Variants in ADGRB1 observed in about 807,000 individuals in gnomAD.
ADGRB1 encodes the protein brain-specific angiogenesis inhibitor 1.
ADGRB1 carries 36 observed loss-of-function variants against 175.7 expected under a neutral mutation model. The ratio of observed to expected loss-of-function variants is 0.20; its 90% confidence interval spans 0.16 to 0.27. The LOEUF (loss-of-function observed/expected upper bound fraction) is 0.27, where lower values mean the gene tolerates loss of function less well. Among genes scored for constraint, ADGRB1 ranks in the 10% least tolerant of loss-of-function variants. The pLI, the probability that ADGRB1 is intolerant of heterozygous loss-of-function variation, is 1.00. For synonymous variants in ADGRB1, 1,054 were observed against 979.4 expected, an observed-to-expected ratio of 1.08 and a Z score of -1.42; for missense variants, 1,731 against 2,255.3, an observed-to-expected ratio of 0.77 and a Z score of 4.71.
chr8:142,481,448 G>A (rs1841333302), intron 10 of ADGRB1, 69 bp from the exon 11 acceptor site: 2 of 1,587,408 alleles, frequency 1.3e-6, no homozygotes, highest in Non-Finnish European at 8.6e-7. Flanking sequence ...CTAGGCATGG[G>A]AGATCCTGGG....
In ADGRB1 at chr8:142,472,052, G is replaced by A. The variant is rs1020664528; in HGVS notation, c.785-3422G>A. ...CAGAACTGACTGACCCTCCAGCCCC[G>A]GTGCTGCCCGACCTGCTGGAGTCGG... On this transcript the variant is annotated intron_variant, in intron 2 of 30. Transcript: ENST00000517894. 1.1e-4 allele frequency among the ~76,000 whole-genome samples: 17 copies of A among 152,330 alleles called. No homozygotes were observed. In the Middle Eastern group the frequency reaches 0.01, roughly 91 times the overall value.
rs375563704 is a variant in ADGRB1, at chr8:142,481,513, G to A, written c.1936-4G>A. 8.8e-5 allele frequency: 138 copies of A among 1,573,654 alleles called. 1 individual carries two copies. Among genetic ancestry groups the A allele is most frequent in the South Asian group, 1.8e-4 (16 of 86,616 alleles). On this transcript the variant is annotated splice_region_variant and splice_polypyrimidine_tract_variant and intron_variant, in intron 10 of 30. Transcript: ENST00000517894. ...AAGGCACCCGCCCTCTCTGTCTTCC[G>A]CAGACCCGGGAGCACCTGGCCAAGG...
chr8:142,525,426 G>C (rs1040683786), intron 23 of ADGRB1, among the ~76,000 whole-genome samples: 1 of 152,082 alleles, frequency 6.6e-6, no homozygotes, highest in South Asian at 2.1e-4. Context: ...TGTGGGACCC[G>C]AGCCCCAGCA....
At chr8:142,512,213 AG>A (rs1843146077) in intron 18 of ADGRB1, among the ~76,000 whole-genome samples, 1 of 152,192 alleles carries the variant, frequency 6.6e-6, no homozygotes, top group African/African-American at 2.4e-5. Context: ...TGGGCTGGAC[AG>A]GGGTCTGTGT....
intron 18 of ADGRB1, among the ~76,000 whole-genome samples, chr8:142,512,483 G>A (rs1843159521): frequency 6.6e-6 from 1 of 152,198 alleles, no homozygotes; most frequent in Non-Finnish European, 1.5e-5. Flanking sequence ...GTGGGTGTTC[G>A]AGGAGGACCT....
chr8:142,542,730 C>T lies in ADGRB1; in HGVS notation c.4413+83C>T. 7.7e-7 allele frequency: 1 copy of T among 1,291,416 alleles called. No homozygotes were observed. The highest frequency in any genetic ancestry group is 1.0e-6 in the Non-Finnish European group (1 of 960,356). The allele number at this position is 1,291,416 out of a possible 1,614,324, so 80.0% of individuals were successfully genotyped here. ...GGGTCACCCCTGCTGGGTGGGACCC[C>T]CACGCCGTCAGCGGGGCGGGCTGGC... On this transcript the variant is annotated intron_variant, in intron 28 of 30. Coordinates refer to ENST00000517894, the MANE Select transcript of ADGRB1 (RefSeq NM_001702.3). The surrounding 1 kb of genome is among the most constrained non-coding windows in gnomAD (Gnocchi z 6.3).
At chr8:142,525,417 G>A (rs1227104128) in intron 23 of ADGRB1, among the ~76,000 whole-genome samples, 1 of 152,082 alleles carries the variant, frequency 6.6e-6, no homozygotes, top group Non-Finnish European at 1.5e-5. Context: ...CCTGGCGGCT[G>A]TGGGACCCGA....
At position 142,478,057 on chromosome 8, in the gene ADGRB1, C is replaced by T. The variant is rs1191105234; in HGVS notation, c.1388-130C>T. ...CAGGCTGGCCGTGGGTGGTGGCCCC[C>T]AGGGTGTTCTCATCTATGTCCCAGG... On this transcript the variant is annotated intron_variant, in intron 6 of 30. Coordinates refer to ENST00000517894, the MANE Select transcript of ADGRB1 (RefSeq NM_001702.3). 8 of 1,270,390 alleles carry T rather than the reference C, an allele frequency of 6.3e-6. 1 individual carries two copies. Among genetic ancestry groups the T allele is most frequent in the African/African-American group, 3.0e-5 (2 of 66,930 alleles). 78.7% of individuals were successfully genotyped at this position (1,270,390 alleles called of 1,614,324 possible).
chr8:142,455,264 C>T lies in ADGRB1; in HGVS notation c.-220+5160C>T, dbSNP rs1839602466. Among the ~76,000 whole-genome samples the T allele has an allele frequency of 6.6e-6, 1 of 152,060 alleles. No homozygotes were observed. Among genetic ancestry groups the T allele is most frequent in the Admixed American group, 6.6e-5 (1 of 15,262 alleles). ...CCATCACTCCCACTCGCCTCAGCAG[C>T]ACCTGGACACCCCTCACAGCCACCT... On this transcript the variant is annotated intron_variant, in intron 1 of 30. Transcript: ENST00000517894. This position sits in a 1 kb window ranked among gnomAD's most constrained non-coding sequence, Gnocchi z 4.9.
chr8:142,524,474 C>T (rs758806576), intron 23 of ADGRB1, among the ~76,000 whole-genome samples, 170 bp downstream of exon 23: 16 of 152,360 alleles, frequency 1.1e-4, no homozygotes, highest in Admixed American at 8.5e-4. Context: ...CCACTCTGAC[C>T]TGCCCTTGGC....
At chr8:142,495,637 C>T (rs909647568) in intron 17 of ADGRB1, among the ~76,000 whole-genome samples, 8 of 151,960 alleles carry the variant, frequency 5.3e-5, no homozygotes, top group South Asian at 2.1e-4. Context: ...CTTGTGGCGG[C>T]GTCACTCCAG....
intron 2 of ADGRB1, among the ~76,000 whole-genome samples, chr8:142,465,335 C>A (rs1840215555): frequency 6.6e-6 from 1 of 152,208 alleles, no homozygotes; most frequent in Non-Finnish European, 1.5e-5. Context: ...GGGTCATCCT[C>A]CTGGCTGGGA....
At position 142,537,356 on chromosome 8, in the gene ADGRB1, G is replaced by C. The variant is rs73714315; in HGVS notation, c.3666+274G>C. Among the ~76,000 whole-genome samples, 3,151 of 152,108 alleles carry C rather than the reference G, an allele frequency of 0.021. 108 individuals are homozygous for C. Among genetic ancestry groups the C allele is most frequent in the African/African-American group, 0.072 (2,980 of 41,474 alleles). On this transcript the variant is annotated intron_variant, in intron 26 of 30. Transcript: ENST00000517894. The surrounding 1 kb of genome is among the most constrained non-coding windows in gnomAD (Gnocchi z 4.6). Reference sequence around the variant, plus strand: ...CTCACCCCCGCTGGCAGCAGTGCCCGTCTGGCTGGACACCACCCTCTGAGC... The same window carrying C: ...CTCACCCCCGCTGGCAGCAGTGCCCCTCTGGCTGGACACCACCCTCTGAGC...
At chr8:142,469,493 G>A (rs1198284705) in intron 2 of ADGRB1, among the ~76,000 whole-genome samples, 1 of 149,286 alleles carries the variant, frequency 6.7e-6, no homozygotes, top group Non-Finnish European at 1.5e-5. Context: ...GTGTATGCAC[G>A]TGCATGTGTG....
chr8:142,479,192 ATTCCTGGG>A, intron 7 of ADGRB1, 123 bp from the exon 8 acceptor site: 3 of 1,054,832 alleles, frequency 2.8e-6, no homozygotes, highest in Non-Finnish European at 3.7e-6. Context: ...CCTGCCCCAC[ATTCCTGGG>A]TCCCTATGTT....
rs770168855 is a variant in ADGRB1 at position 142,486,857 on chromosome 8, A to G, written c.2309-1507A>G. On this transcript the variant is annotated intron_variant, in intron 13 of 30. Transcript: ENST00000517894. ...AGCACAGTGGGACCCTGTCTCTACA[A>G]ATGTTTTTAAAAAAATTAGCCAGGC... 4.6e-5 allele frequency among the ~76,000 whole-genome samples: 7 copies of G among 151,646 alleles called. No homozygotes were observed. In the East Asian group the frequency reaches 1.4e-3, roughly 29 times the overall value.
intron 9 of ADGRB1, 91 bp downstream of exon 9, chr8:142,479,885 G>A (rs1213594624): frequency 1.4e-5 from 19 of 1,361,922 alleles, no homozygotes. Context: ...CTGGGAGGCG[G>A]CCCAGACACG....
intron 2 of ADGRB1, among the ~76,000 whole-genome samples, chr8:142,471,862 C>T (rs927089699): frequency 6.6e-6 from 1 of 152,224 alleles, no homozygotes; most frequent in African/African-American, 2.4e-5. Context: ...ATCCACCCTC[C>T]GGGGCCCTCC....
intron 16 of ADGRB1, among the ~76,000 whole-genome samples, chr8:142,489,773 C>T (rs1841897450): frequency 6.6e-6 from 1 of 152,160 alleles, no homozygotes. Context: ...AACGCCTGGC[C>T]ACCAAGAAGC....
Sources: gnomAD v4.1 joint callset for allele counts (sites outside exome capture counted in the v4.1 genomes callset) on GRCh38, gnomAD v4.1.1 for gene constraint, Gnocchi (gnomAD v3.1) non-coding constraint, MANE v1.5 for transcripts, NCBI Gene and HGNC (gene_info 2026-07-23, HGNC 2026-07-21) for gene names.